SUCO: variants seen among roughly 807,000 people sequenced by gnomAD.
The protein encoded by SUCO is SUN domain-containing ossification factor.
SUCO carries 57 observed loss-of-function variants against 148.1 expected under a neutral mutation model. That is an observed-to-expected ratio of 0.38 (90% CI 0.31 to 0.48). SUCO has a LOEUF of 0.48. Among genes scored for constraint, SUCO ranks in the 20% least tolerant of loss-of-function variants. SUCO has a pLI of 0.96. For synonymous variants in SUCO, 470 were observed against 502.7 expected (o/e 0.93, Z 0.87); for missense variants, 1,331 against 1,468.2 (o/e 0.91, Z 1.53).
intron 1 of SUCO, among the ~76,000 whole-genome samples, chr1:172,540,766 T>TCTGC (rs1652391113): frequency 6.6e-6 from 1 of 152,186 alleles, no homozygotes; most frequent in Non-Finnish European, 1.5e-5. Context: ...TGTATGTCTG[T>TCTGC]CTGCCTGCTT....
chr1:172,559,206 G>C (rs1464732594), intron 6 of SUCO, among the ~76,000 whole-genome samples: 1 of 152,118 alleles, frequency 6.6e-6, no homozygotes, highest in Non-Finnish European at 1.5e-5. Context: ...TGATTTTGTT[G>C]TATTGTTTAT....
At chr1:172,592,303 A>G (rs1000297003) in intron 19 of SUCO, among the ~76,000 whole-genome samples, 26 of 152,108 alleles carry the variant, frequency 1.7e-4, no homozygotes, top group Non-Finnish European at 2.9e-4. Context: ...TGTCAATTTC[A>G]GCTTTTGTTG....
At chr1:172,560,611 T>C (rs540695471) in intron 6 of SUCO, among the ~76,000 whole-genome samples, 1 of 152,340 alleles carries the variant, frequency 6.6e-6, no homozygotes, top group African/African-American at 2.4e-5. Context: ...ACTGCTGCCC[T>C]GATTCCTGCC....
At chr1:172,605,145 T>C (rs980459022) in intron 22 of SUCO, among the ~76,000 whole-genome samples, 1 of 151,928 alleles carries the variant, frequency 6.6e-6, no homozygotes, top group African/African-American at 2.4e-5. Context: ...TTCACTGTTT[T>C]GATTGTGTCC....
chr1:172,568,142 C>A (rs910902925), intron 6 of SUCO, among the ~76,000 whole-genome samples: 7 of 152,180 alleles, frequency 4.6e-5, no homozygotes, highest in African/African-American at 1.7e-4. Context: ...AAACCATCTC[C>A]CTGCCCCATC....
intron 1 of SUCO, among the ~76,000 whole-genome samples, chr1:172,548,964 G>A (rs551009550): frequency 1.6e-4 from 25 of 151,984 alleles, no homozygotes; most frequent in African/African-American, 4.3e-4. Flanking sequence ...CTTTCCACCT[G>A]TAGCTTTGCC....
intron 3 of SUCO, chr1:172,555,291 T>G: frequency 1.7e-6 from 1 of 593,644 alleles, no homozygotes; most frequent in Non-Finnish European, 2.1e-6. Context: ...GTTAATTCTG[T>G]TTAGGGTTGA....
chr1:172,578,458 G>T, intron 14 of SUCO, 69 bp downstream of exon 14: 1 of 1,496,196 alleles, frequency 6.7e-7, no homozygotes, highest in Non-Finnish European at 9.2e-7. Flanking sequence ...ATAGTAATGG[G>T]GGAGTATAGC....
chr1:172,541,938 A>G (rs1295701784), intron 1 of SUCO: 3 of 692,006 alleles, frequency 4.3e-6, no homozygotes, highest in Non-Finnish European at 3.6e-6. Flanking sequence ...AACTTGGGCA[A>G]CTAGAAGAAT....
intron 1 of SUCO, among the ~76,000 whole-genome samples, chr1:172,535,171 G>T (rs989210103): frequency 2.6e-5 from 4 of 152,082 alleles, no homozygotes; most frequent in Non-Finnish European, 4.4e-5. Context: ...GGAACAAATC[G>T]GTTGGCCTGG....
At chr1:172,606,311 T>G (rs1251926314) in intron 22 of SUCO, among the ~76,000 whole-genome samples, 1 of 151,418 alleles carries the variant, frequency 6.6e-6, no homozygotes, top group African/African-American at 2.4e-5. Context: ...CATGCTTTCA[T>G]TAAGATTTTT....
At chr1:172,547,286 T>G (rs902547510) in intron 1 of SUCO, among the ~76,000 whole-genome samples, 4 of 152,228 alleles carry the variant, frequency 2.6e-5, no homozygotes, top group African/African-American at 7.2e-5. Flanking sequence ...TTATTTATTC[T>G]TCTGTTAGTG....
chr1:172,545,115 A>G (rs1558171834), intron 1 of SUCO, among the ~76,000 whole-genome samples: 1 of 152,212 alleles, frequency 6.6e-6, no homozygotes, highest in Non-Finnish European at 1.5e-5. Flanking sequence ...AGATAGCAGT[A>G]CCAGATGGTG....
intron 8 of SUCO, 177 bp from the exon 9 acceptor site, chr1:172,570,486 T>C: frequency 1.7e-6 from 1 of 575,650 alleles, no homozygotes. Context: ...TTTAATGCTG[T>C]TGCCGTGAAT....
chr1:172,566,414 C>T (rs1446814848), intron 6 of SUCO, among the ~76,000 whole-genome samples: 1 of 152,212 alleles, frequency 6.6e-6, no homozygotes. Context: ...TCTCTGCTTT[C>T]TTCATCCCTT....
chr1:172,574,574 T>G (rs1042427265), intron 10 of SUCO, among the ~76,000 whole-genome samples: 4 of 152,110 alleles, frequency 2.6e-5, no homozygotes, highest in Non-Finnish European at 5.9e-5. Context: ...GTCTTTACTA[T>G]GCACTTATTT....
chr1:172,564,488 G>A (rs769794834), intron 6 of SUCO, among the ~76,000 whole-genome samples: 6 of 152,052 alleles, frequency 3.9e-5, no homozygotes, highest in Non-Finnish European at 5.9e-5. Flanking sequence ...TTTCTCCTGC[G>A]CCACCATGTG....
rs1225308942 is a variant in SUCO, at chr1:172,555,890, A to C, written c.310A>C (p.Ser104Arg). The change falls in exon 4 of 24, where the codon AGT becomes CGT. Residue 104 changes from serine to arginine, a missense_variant. Ser to Arg is a moderately radical substitution (Grantham distance 110). Transcript: ENST00000263688. Reference sequence around the variant, plus strand: ...ACAGAATACAGAGTCAAAAAAGTTAAGTCCACCGGTGGTGGAGACACTCCC... The same window carrying C: ...ACAGAATACAGAGTCAAAAAAGTTACGTCCACCGGTGGTGGAGACACTCCC... ...DVQNTESKKL[S>R]PPVVETLPTV... 3 of 1,610,590 alleles carry C rather than the reference A, an allele frequency of 1.9e-6. No individual in the cohort carries two copies. In the African/African-American group the frequency reaches 4.0e-5, roughly 22 times the overall value.
At chr1:172,592,576 C>G (rs909672680) in intron 19 of SUCO, among the ~76,000 whole-genome samples, 2 of 152,154 alleles carry the variant, frequency 1.3e-5, no homozygotes, top group African/African-American at 4.8e-5. Flanking sequence ...TGTCAAAGAT[C>G]AGATGGTTGT....
Sources: allele counts gnomAD v4.1 joint callset (sites outside exome capture counted in the v4.1 genomes callset), GRCh38; gene constraint gnomAD v4.1.1; transcripts MANE v1.5; gene names NCBI Gene and HGNC (gene_info 2026-07-23, HGNC 2026-07-21).